Variants in UNC80 observed in about 807,000 individuals in gnomAD.
UNC80 encodes the protein unc-80 subunit of NALCN channel complex.
In UNC80, 164 loss-of-function variants were observed where a neutral mutation model predicts 384.6. That is an observed-to-expected ratio of 0.43 (90% CI 0.38 to 0.49). The LOEUF (loss-of-function observed/expected upper bound fraction) is 0.49, where lower values mean the gene tolerates loss of function less well. UNC80 is among the 20% of genes least tolerant of loss of function. The pLI, the probability that UNC80 is intolerant of heterozygous loss-of-function variation, is 0.00. For synonymous variants in UNC80, 1,486 were observed against 1,527.8 expected (o/e 0.97, Z 0.64); for missense variants, 3,330 against 4,143.0 (o/e 0.80, Z 5.39).
intron 25 of UNC80, among the ~76,000 whole-genome samples, chr2:209,884,808 A>G (rs535864131): frequency 6.6e-6 from 1 of 152,296 alleles, no homozygotes; most frequent in African/African-American, 2.4e-5. Context: ...CAGAAAACCA[A>G]ACACCGCATG....
chr2:209,971,162 T>C (rs1170679365), intron 54 of UNC80, among the ~76,000 whole-genome samples: 1 of 152,198 alleles, frequency 6.6e-6, no homozygotes, highest in South Asian at 2.1e-4. Context: ...ATCTCAAATA[T>C]AGCAGAGTCA....
At position 209,970,975 on chromosome 2, in the gene UNC80, G is replaced by T; in HGVS notation, c.8256+18G>T. On this transcript the variant is annotated intron_variant, in intron 54 of 64. Transcript: ENST00000673920. ...AGATACAGGTGTGACTGCCTTACCT[G>T]TTTGTCACGCTCATTAAGTTGCTGG... 1 of 1,545,748 alleles carries T rather than the reference G, an allele frequency of 6.5e-7. No homozygotes were observed. The highest frequency in any genetic ancestry group is 1.7e-4 in the Middle Eastern group (1 of 5,958).
intron 35 of UNC80, among the ~76,000 whole-genome samples, chr2:209,922,736 G>A (rs2090137572): frequency 6.6e-6 from 1 of 152,134 alleles, no homozygotes; most frequent in Non-Finnish European, 1.5e-5. Flanking sequence ...AATCTCTGAG[G>A]GTAGGACTCA....
At chr2:209,782,093 C>T (rs1205576085) in intron 4 of UNC80, among the ~76,000 whole-genome samples, 2 of 152,172 alleles carry the variant, frequency 1.3e-5, no homozygotes, top group African/African-American at 4.8e-5. Flanking sequence ...TTACTTGAGC[C>T]ACTTTCTAAC....
chr2:209,936,126 G>A (rs1411063339), intron 40 of UNC80, among the ~76,000 whole-genome samples: 2 of 152,216 alleles, frequency 1.3e-5, no homozygotes, highest in East Asian at 3.9e-4. Flanking sequence ...TCAGTAGAAA[G>A]GGACATTACT....
Position 209,813,742 on chromosome 2 carries a change from A to G in UNC80, c.1101A>G (p.Pro367=). 1 of 1,551,868 alleles carries G rather than the reference A, an allele frequency of 6.4e-7. No individual in the cohort carries two copies. The highest frequency in any genetic ancestry group is 8.7e-7 in the Non-Finnish European group (1 of 1,147,030). ...QRLRHMLEEK[P]EKPPEPDIPL... is the part of the protein sequence containing the mutation. ...TGCGACACATGTTGGAAGAGAAGCC[A>G]GAAAAGCCTCCGGAGCCAGATATTC... The change falls in exon 8 of 65, where the codon CCA becomes CCG. Residue 367 remains proline, a synonymous_variant. Transcript: ENST00000673920.
In UNC80 at chr2:209,861,000, A is replaced by G. The variant is rs548692847; in HGVS notation, c.3627+11377A>G. Among the ~76,000 whole-genome samples the G allele has an allele frequency of 3.3e-5, 5 of 152,360 alleles. No individual in the cohort carries two copies. The East Asian group carries it at 9.6e-4, about 29-fold the overall frequency. On this transcript the variant is annotated intron_variant, in intron 22 of 64. Coordinates refer to ENST00000673920, the MANE Select transcript of UNC80 (RefSeq NM_001371986.1). ...AAAATCATGTCGTCTGCAAACAATG[A>G]CAAGCTGACTTCCTCTCTTCCTATT...
intron 22 of UNC80, among the ~76,000 whole-genome samples, chr2:209,869,881 C>A (rs1013277805): frequency 1.3e-5 from 2 of 152,124 alleles, no homozygotes; most frequent in African/African-American, 4.8e-5. Flanking sequence ...AGTTTTTGAG[C>A]ACAGGAGAAT....
intron 7 of UNC80, among the ~76,000 whole-genome samples, chr2:209,810,561 G>A (rs1172264465): frequency 6.6e-6 from 1 of 152,044 alleles, no homozygotes; most frequent in East Asian, 1.9e-4. Flanking sequence ...TCCCTCCTTC[G>A]TATCCTTCTT....
intron 24 of UNC80, among the ~76,000 whole-genome samples, chr2:209,879,957 A>G (rs556473588): frequency 6.6e-6 from 1 of 152,352 alleles, no homozygotes; most frequent in East Asian, 1.9e-4. Context: ...CTATTCAATT[A>G]AGAAAGCCTA....
chr2:209,965,934 CAA>C (rs112429893), intron 51 of UNC80, among the ~76,000 whole-genome samples: 4,737 of 125,650 alleles, frequency 0.038, 150 homozygotes, highest in South Asian at 0.16. Flanking sequence ...AAACTTGTCT[CAA>C]AAAAAAAAAA....
chr2:209,860,012 G>A (rs1439921493), intron 22 of UNC80, among the ~76,000 whole-genome samples: 2 of 152,136 alleles, frequency 1.3e-5, no homozygotes, highest in Non-Finnish European at 2.9e-5. Context: ...TTGCTGTGCA[G>A]AAGCTCTTTA....
chr2:209,850,418 C>G (rs1340389211), intron 22 of UNC80, among the ~76,000 whole-genome samples: 1 of 152,048 alleles, frequency 6.6e-6, no homozygotes, highest in Admixed American at 6.6e-5. Flanking sequence ...GAACAAAAAA[C>G]TTTAAGCCTG....
intron 53 of UNC80, chr2:209,970,124 T>G (rs1049396822): frequency 1.4e-5 from 7 of 498,772 alleles, no homozygotes; most frequent in Admixed American, 3.8e-5. Context: ...CATGCACTAC[T>G]TTGACAATTC....
chr2:209,841,337 TTTG>T (rs950438003), intron 20 of UNC80, among the ~76,000 whole-genome samples: 22 of 152,176 alleles, frequency 1.4e-4, no homozygotes, highest in East Asian at 7.7e-4. Context: ...CTTGTGGGTT[TTTG>T]TTGTTGTTGT....
rs963928680 is a variant in UNC80, at chr2:209,970,935, G to A, written c.8234G>A (p.Arg2745Gln). The A allele has an allele frequency of 1.1e-5, 17 of 1,551,630 alleles. No homozygotes were observed. The highest frequency in any genetic ancestry group is 3.6e-5 in the South Asian group (3 of 83,986). ...CTGCCCTTCAGCACAGCTGTTGTCC[G>A]GCTTGTAGCATTGCAGATACAGGTG... Reference protein sequence around the residue: ...PPLPFSTAVVRLVALQIQALK... With the variant: ...PPLPFSTAVVQLVALQIQALK... The change falls in exon 54 of 65, where the codon CGG (arginine) becomes CAG (glutamine). Residue 2745 changes from arginine to glutamine, a missense_variant. Arg to Gln is a conservative substitution (Grantham distance 43). This residue lies in a region of UNC80 where 1,049 missense variants were observed against 1,488.6 expected (regional missense o/e 0.70). Coordinates refer to ENST00000673920, the MANE Select transcript of UNC80 (RefSeq NM_001371986.1).
At chr2:209,967,259 G>T (rs147726325) in intron 51 of UNC80, among the ~76,000 whole-genome samples, 178 bp from the exon 52 acceptor site, 35 of 152,110 alleles carry the variant, frequency 2.3e-4, no homozygotes, top group Non-Finnish European at 4.3e-4. Flanking sequence ...GCATATGTAG[G>T]TATCACTGTT....
chr2:209,917,051 C>G (rs2089601523), intron 31 of UNC80, among the ~76,000 whole-genome samples: 1 of 152,112 alleles, frequency 6.6e-6, no homozygotes, highest in Non-Finnish European at 1.5e-5. Flanking sequence ...GGATTTAACC[C>G]CATTTCTTCT....
chr2:209,810,406 A>G (rs916945251), intron 7 of UNC80, among the ~76,000 whole-genome samples: 7 of 152,214 alleles, frequency 4.6e-5, no homozygotes, highest in African/African-American at 9.6e-5. Context: ...TTGATATCCA[A>G]TAAAGCAATT....
Sources: allele counts gnomAD v4.1 joint callset (sites outside exome capture counted in the v4.1 genomes callset), GRCh38; gene constraint gnomAD v4.1.1; regional missense constraint gnomAD v4.1.1; transcripts MANE v1.5; gene names NCBI Gene and HGNC (gene_info 2026-07-23, HGNC 2026-07-21).